The following VWF variants were observed in gnomAD, a reference collection of about 807,000 sequenced individuals.
VWF encodes von Willebrand factor.
Under a neutral mutation model 308.6 loss-of-function variants are expected in VWF, and 176 were observed. The observed-to-expected ratio is 0.57, with a 90% CI of 0.50 to 0.65. VWF has a LOEUF of 0.65. Ranked by LOEUF, VWF falls within the 30% of genes least tolerant of loss-of-function variation. The pLI, the probability that VWF is intolerant of heterozygous loss-of-function variation, is 0.00. For synonymous variants in VWF, 1,385 were observed against 1,443.4 expected (o/e 0.96, Z 0.92); for missense variants, 3,146 against 3,648.2 (o/e 0.86, Z 3.55).
At chr12:5,984,331 C>T (rs909864990) in intron 40 of VWF, among the ~76,000 whole-genome samples, 4 of 152,242 alleles carry the variant, frequency 2.6e-5, no homozygotes, top group Non-Finnish European at 5.9e-5. Flanking sequence ...CAAGCCACAT[C>T]TCCCTCCCCT....
At position 5,964,230 on chromosome 12, in the gene VWF, ACATACATACATACATACATG is replaced by A. The variant is rs1201300628; in HGVS notation, c.7887+3236_7887+3255del. Reference sequence around the variant, plus strand: ...AGACTCTGTCTAAAAATACATACATACATACATACATACATACATGCATACATACATACATACATACATGC... The same window carrying A: ...AGACTCTGTCTAAAAATACATACATACATACATACATACATACATACATGC... On this transcript the variant is annotated intron_variant, in intron 47 of 51. Transcript: ENST00000261405. 5.0e-5 allele frequency among the ~76,000 whole-genome samples: 7 copies of A among 140,414 alleles called. 1 individual carries two copies. Among genetic ancestry groups the A allele is most frequent in the African/African-American group, 2.1e-4 (7 of 32,560 alleles). The allele number at this position is 140,414 out of a possible 152,430, so 92.1% of individuals were successfully genotyped here.
At position 6,064,283 on chromosome 12, in the gene VWF, G is replaced by A. The variant is rs747442596; in HGVS notation, c.1395C>T (p.Ala465=). The A allele has an allele frequency of 3.7e-6, 6 of 1,614,068 alleles. No individual in the cohort carries two copies. Among genetic ancestry groups the A allele is most frequent in the South Asian group, 2.2e-5 (2 of 91,086 alleles). Residue 465 remains alanine (A), a synonymous_variant, in exon 12 of 52, where the codon GCC becomes GCT. Coordinates refer to ENST00000261405, the MANE Select transcript of VWF (RefSeq NM_000552.5). ...GGAGCTGGACGTCCTGGCCATCCAT[G>A]GCAACTCCTGCCCCATGCTTCAGTT... The part of the protein sequence containing the change: ...LVKLKHGAGV[A]MDGQDVQLPL...
intron 16 of VWF, among the ~76,000 whole-genome samples, chr12:6,049,800 A>T (rs1223650815): frequency 6.6e-6 from 1 of 152,250 alleles, no homozygotes; most frequent in Non-Finnish European, 1.5e-5. Context: ...AGTCCTGCAG[A>T]GGAGGTCCTT....
Position 6,018,575 on chromosome 12 carries a change from C to T in VWF, c.4843G>A (p.Glu1615Lys), listed in dbSNP as rs901427117. ...YMVTGNPASDEIKRLPGDIQV... is the reference protein window; with the variant it reads ...YMVTGNPASDKIKRLPGDIQV... The stretch of plus-strand genomic sequence containing the variant: ...ATGTCTCCAGGCAGCCTCTTGATCT[C>T]ATCAGAGGCAGGATTTCCGGTGACC... Residue 1615 changes from glutamate to lysine, a missense_variant, in exon 28 of 52, where the codon GAG becomes AAG. Transcript: ENST00000261405. 6.2e-7 allele frequency: 1 copy of T among 1,614,026 alleles called. No individual in the cohort carries two copies. The highest frequency in any genetic ancestry group is 8.5e-7 in the Non-Finnish European group (1 of 1,180,010).
In VWF at chr12:6,018,735, G is replaced by T. The variant is rs750219929; in HGVS notation, c.4683C>A (p.Ile1561=). The T allele has an allele frequency of 2.5e-6, 4 of 1,613,500 alleles. No homozygotes were observed. In the South Asian group the frequency reaches 4.4e-5, roughly 18 times the overall value. Residue 1561 remains isoleucine (I), a synonymous_variant, in exon 28 of 52, where the codon ATC becomes ATA. Coordinates refer to ENST00000261405, the MANE Select transcript of VWF (RefSeq NM_000552.5). ...PFSEAQSKGD[I]LQRVREIRYQ... ...AGCGGATCTCTCGCACCCGCTGCAG[G>T]ATGTCCCCTTTGGACTGTGCCTCGC...
chr12:5,949,608 A>C (rs892833078), intron 51 of VWF, among the ~76,000 whole-genome samples, 178 bp downstream of exon 51: 1 of 151,948 alleles, frequency 6.6e-6, no homozygotes, highest in African/African-American at 2.4e-5. Context: ...TTTTTCCTGG[A>C]GTCAAAAATT....
rs952927855 is a variant in VWF, at chr12:6,073,823, T to A, written c.875-82A>T. ...CACCAGCCATGCCACAGCCTGAGCC[T>A]CTCGTGCCCACTCTGACTGCTCCCC... On this transcript the variant is annotated intron_variant, in intron 7 of 51. Coordinates refer to ENST00000261405, the MANE Select transcript of VWF (RefSeq NM_000552.5). 2.5e-6 allele frequency: 4 copies of A among 1,597,016 alleles called. No individual in the cohort carries two copies. The South Asian group carries it at 4.5e-5, about 18-fold the overall frequency.
In VWF at chr12:5,969,310, G is replaced by A. The variant is rs61751297; in HGVS notation, c.7630C>T (p.Gln2544Ter). Residue 2544 changes from glutamine to a stop codon, truncating the protein, a stop_gained, in exon 45 of 52, where the codon CAA becomes TAA. Coordinates refer to ENST00000261405, the MANE Select transcript of VWF (RefSeq NM_000552.5). LOFTEE classifies it high-confidence loss of function. Reference sequence around the variant, plus strand: ...AGCTGGGGGCAGGAGACGTTCCTTTGTTGTATAAAGACCTCCTCCTTCACT... The same window carrying A: ...AGCTGGGGGCAGGAGACGTTCCTTTATTGTATAAAGACCTCCTCCTTCACT... ...VRVKEEVFIQQRNVSCPQLEV... is the reference protein window; with the variant it reads ...VRVKEEVFIQ 6.2e-7 allele frequency: 1 copy of A among 1,614,212 alleles called. No homozygotes were observed. The highest frequency in any genetic ancestry group is 8.5e-7 in the Non-Finnish European group (1 of 1,180,048).
chr12:5,987,217 T>C (rs216878), intron 38 of VWF, among the ~76,000 whole-genome samples: 126,238 of 152,200 alleles, frequency 0.83, 52,958 homozygotes, highest in East Asian at 0.92. Context: ...TGTGAGCCAC[T>C]ATGCCCGGCC....
chr12:6,048,859 C>T (rs1464941423), intron 16 of VWF, among the ~76,000 whole-genome samples: 1 of 152,228 alleles, frequency 6.6e-6, no homozygotes, highest in Admixed American at 6.5e-5. Context: ...TGAGCACGTG[C>T]AGAACCCGTG....
Position 6,030,626 on chromosome 12 carries a change from G to A in VWF, c.2820+818C>T, listed in dbSNP as rs190753927. On this transcript the variant is annotated intron_variant, in intron 21 of 51. Coordinates refer to ENST00000261405, the MANE Select transcript of VWF (RefSeq NM_000552.5). Reference sequence around the variant, plus strand: ...GTCAGAATCTCAGCATGGAGTTCTAGGAGCCACATTTTAAACAAGATCTCC... The same window carrying A: ...GTCAGAATCTCAGCATGGAGTTCTAAGAGCCACATTTTAAACAAGATCTCC... Among the ~76,000 whole-genome samples, 178 of 152,196 alleles carry A rather than the reference G, an allele frequency of 1.2e-3. 1 individual carries two copies. The highest frequency in any genetic ancestry group is 4.0e-3 in the African/African-American group (165 of 41,550).
At chr12:6,005,082 G>GA (rs1943911473) in intron 34 of VWF, among the ~76,000 whole-genome samples, 1 of 151,992 alleles carries the variant, frequency 6.6e-6, no homozygotes, top group South Asian at 2.1e-4. Flanking sequence ...AGTCTATACA[G>GA]AAAAAACAAA....
At chr12:5,964,483 C>A (rs755704599) in intron 47 of VWF, among the ~76,000 whole-genome samples, 10 of 152,136 alleles carry the variant, frequency 6.6e-5, no homozygotes, top group African/African-American at 9.7e-5. Flanking sequence ...TTGTGAGAAA[C>A]CAACTCTGTT....
chr12:6,016,262 C>A (rs1361659368), intron 30 of VWF, 30 bp from the exon 31 acceptor site: 1 of 1,614,056 alleles, frequency 6.2e-7, no homozygotes, highest in African/African-American at 1.3e-5. Flanking sequence ...CACGCCAAGT[C>A]AGTACTGACT....
chr12:6,063,176 T>G lies in VWF; in HGVS notation c.1433-122A>C. ...ATGGTAGCACTGAAGAGCAATGACT[T>G]AGGGGCAGATGGGGTGGCCATGAGG... On this transcript the variant is annotated intron_variant, in intron 12 of 51. Coordinates refer to ENST00000261405, the MANE Select transcript of VWF (RefSeq NM_000552.5). The surrounding 1 kb of genome is among the most constrained non-coding windows in gnomAD (Gnocchi z 4.9). The G allele has an allele frequency of 1.2e-6, 1 of 815,156 alleles. No homozygotes were observed. The highest frequency in any genetic ancestry group is 2.0e-6 in the Non-Finnish European group (1 of 489,778). The allele number at this position is 815,156 out of a possible 1,614,324, so 50.5% of individuals were successfully genotyped here.
chr12:6,043,622 G>C (rs781634948), intron 18 of VWF, among the ~76,000 whole-genome samples: 10 of 152,370 alleles, frequency 6.6e-5, no homozygotes, highest in Middle Eastern at 6.8e-3. Context: ...GGAGGAGTAG[G>C]CATGCTCAGA....
chr12:5,971,750 C>G lies in VWF; in HGVS notation c.7438-41G>C, dbSNP rs752517813. 5.7e-6 allele frequency: 9 copies of G among 1,566,894 alleles called. 1 individual carries two copies. The South Asian group carries it at 1.0e-4, about 17-fold the overall frequency. On this transcript the variant is annotated intron_variant, in intron 43 of 51. Coordinates refer to ENST00000261405, the MANE Select transcript of VWF (RefSeq NM_000552.5). ...AAACAGAGTAAGGACAGGCCAGCAG[C>G]AAAGACACAGGGGCTCTTACCTACG...
intron 45 of VWF, 97 bp downstream of exon 45, chr12:5,969,113 TA>T: frequency 7.1e-7 from 1 of 1,407,212 alleles, no homozygotes; most frequent in Non-Finnish European, 9.8e-7. Context: ...TCCATTTCCC[TA>T]AGTTGCTAAA....
chr12:6,120,244 T>C (rs919884593), intron 3 of VWF, among the ~76,000 whole-genome samples: 1 of 152,186 alleles, frequency 6.6e-6, no homozygotes, highest in African/African-American at 2.4e-5. Context: ...AGTGGGGCAC[T>C]TCTGAGCCCT....
Sources: gnomAD v4.1 joint callset for allele counts (sites outside exome capture counted in the v4.1 genomes callset) on GRCh38, gnomAD v4.1.1 for gene constraint, Gnocchi (gnomAD v3.1) non-coding constraint, MANE v1.5 for transcripts, NCBI Gene and HGNC (gene_info 2026-07-23, HGNC 2026-07-21) for gene names.